LARGE2: variants seen among roughly 807,000 people sequenced by gnomAD.
LARGE2 encodes LARGE xylosyl- and glucuronyltransferase 2.
In LARGE2, 63 loss-of-function variants were observed where a neutral mutation model predicts 75.3. That is an observed-to-expected ratio of 0.84 (90% CI 0.68 to 1.03). The LOEUF is 1.03. Ranked by LOEUF, LARGE2 falls within the 50% of genes least tolerant of loss-of-function variation. The pLI is 0.00. For synonymous variants in LARGE2, 428 were observed against 420.1 expected, an observed-to-expected ratio of 1.02 and a Z score of -0.23; for missense variants, 925 against 980.6, an observed-to-expected ratio of 0.94 and a Z score of 0.76.
chr11:45,923,061 G>A lies in LARGE2; in HGVS notation c.179G>A (p.Gly60Glu). 1 of 1,416,046 alleles carries A rather than the reference G, an allele frequency of 7.1e-7. No individual in the cohort carries two copies. The highest frequency in any genetic ancestry group is 9.2e-7 in the Non-Finnish European group (1 of 1,087,576). 87.7% of individuals were successfully genotyped at this position (1,416,046 alleles called of 1,614,324 possible). Residue 60 changes from glycine to glutamate, a missense_variant, in exon 2 of 14, where the codon GGG becomes GAG. Coordinates refer to ENST00000401752, the MANE Select transcript of LARGE2 (RefSeq NM_001300721.2). Reference sequence around the variant, plus strand: ...CTCATGCCACGTGTCCCCCCAGACGGGAGGCTGCGGAGAGCCGCCGCCCTC... The same window carrying A: ...CTCATGCCACGTGTCCCCCCAGACGAGAGGCTGCGGAGAGCCGCCGCCCTC... ...GPLMPRVPPD[G>E]RLRRAAALDG... is the part of the protein sequence containing the mutation.
At position 45,928,917 on chromosome 11, in the gene LARGE2, C is replaced by T. The variant is rs551304116; in HGVS notation, c.*72C>T. 6.4e-6 allele frequency: 10 copies of T among 1,567,248 alleles called. No homozygotes were observed. The African/African-American group carries it at 1.2e-4, about 19-fold the overall frequency. The stretch of plus-strand genomic sequence containing the variant: ...GGCAACCTGCCCTCCGCCATCCCTG[C>T]TATTTAAATTATTTAAGGTCTCTGG... On this transcript the variant is annotated 3_prime_UTR_variant, in exon 14 of 14. Coordinates refer to ENST00000401752, the MANE Select transcript of LARGE2 (RefSeq NM_001300721.2).
At chr11:45,922,762 C>T (rs2134710682) in intron 1 of LARGE2, 34 bp downstream of exon 1, 1 of 827,758 alleles carries the variant, frequency 1.2e-6, no homozygotes, top group South Asian at 6.3e-5. Flanking sequence ...GCCGCACAAC[C>T]CGGCCGTCGG....
Position 45,926,811 on chromosome 11 carries a change from A to C in LARGE2, c.1265A>C (p.His422Pro). 4.3e-6 allele frequency: 7 copies of C among 1,613,490 alleles called. No individual in the cohort carries two copies. Among genetic ancestry groups the C allele is most frequent in the Non-Finnish European group, 5.9e-6 (7 of 1,179,984 alleles). Residue 422 changes from histidine to proline, a missense_variant, in exon 10 of 14, where the codon CAT (histidine) becomes CCT (proline). Coordinates refer to ENST00000401752, the MANE Select transcript of LARGE2 (RefSeq NM_001300721.2). ...VHRVHVTFLP[H>P]EPPPPRPHDV... Reference sequence around the variant, plus strand: ...CGTGTGCATGTCACTTTCCTGCCCCATGAACCGCCACCCCCCCGGCCTCAC... The same window carrying C: ...CGTGTGCATGTCACTTTCCTGCCCCCTGAACCGCCACCCCCCCGGCCTCAC...
In LARGE2 at chr11:45,922,697, C is replaced by T. The variant is rs963701693; in HGVS notation, c.-94C>T. ...CCGCACCCTGGCCGGCGGCTGCGAG[C>T]GCAGGGCCCAGCCCGGGAGCCGCTG... is the stretch of plus-strand genomic sequence containing the variant. On this transcript the variant is annotated 5_prime_UTR_variant, in exon 1 of 14. Transcript: ENST00000401752. 4 of 403,320 alleles carry T rather than the reference C, an allele frequency of 9.9e-6. No homozygotes were observed. The highest frequency in any genetic ancestry group is 4.7e-5 in the Admixed American group (1 of 21,422). The allele number at this position is 403,320 out of a possible 1,614,324, so 25.0% of individuals were successfully genotyped here.
chr11:45,923,440 G>GA, intron 2 of LARGE2, 33 bp from the exon 3 acceptor site: 9 of 1,505,890 alleles, frequency 6.0e-6, no homozygotes, highest in South Asian at 1.1e-5. Flanking sequence ...GCGGAGAAGG[G>GA]GGGCTGCTGC....
At chr11:45,927,670 T>A in intron 11 of LARGE2, 77 bp downstream of exon 11, 1 of 1,567,512 alleles carries the variant, frequency 6.4e-7, no homozygotes, top group South Asian at 1.1e-5. Context: ...CAGGCTTCCA[T>A]GTCCCTGCTC....
upstream of LARGE2, among the ~76,000 whole-genome samples, chr11:45,922,006 C>T (rs1225434679): frequency 6.6e-6 from 1 of 152,134 alleles, no homozygotes; most frequent in Non-Finnish European, 1.5e-5. Context: ...CCGGTGCGCC[C>T]GGGCACAATC....
In LARGE2 at chr11:45,922,731, G is replaced by A; in HGVS notation, c.-63+3G>A. 7.5e-6 allele frequency: 4 copies of A among 533,772 alleles called. No homozygotes were observed. The highest frequency in any genetic ancestry group is 1.1e-5 in the Non-Finnish European group (4 of 356,900). 33.1% of individuals were successfully genotyped at this position (533,772 alleles called of 1,614,324 possible). ...CAGCCCGGGAGCCGCTGGAGCAGGT[G>A]AGGGAGGTGGCTCGGCGCGAGCCGC... On this transcript the variant is annotated splice_donor_region_variant and intron_variant, in intron 1 of 13. Transcript: ENST00000401752.
chr11:45,923,359 C>A, intron 2 of LARGE2, 114 bp from the exon 3 acceptor site: 2 of 1,167,968 alleles, frequency 1.7e-6, no homozygotes, highest in South Asian at 1.4e-5. Context: ...TTGGCTCCTG[C>A]TGCCCCCTCC....
At chr11:45,926,192 G>C in intron 7 of LARGE2, 30 bp from the exon 8 acceptor site, 1 of 1,612,194 alleles carries the variant, frequency 6.2e-7, no homozygotes, top group Non-Finnish European at 8.5e-7. Flanking sequence ...GCAGGCTGGG[G>C]GCTGGGATGT....
intron 5 of LARGE2, 38 bp downstream of exon 5, chr11:45,924,715 C>A (rs373542212): frequency 3.8e-5 from 60 of 1,572,732 alleles, no homozygotes; most frequent in Admixed American, 5.5e-5. Flanking sequence ...TGCCCAGGAT[C>A]CCTGCATCCA....
chr11:45,924,379 A>C, intron 4 of LARGE2, 102 bp downstream of exon 4: 1 of 1,558,206 alleles, frequency 6.4e-7, no homozygotes, highest in African/African-American at 1.4e-5. Flanking sequence ...TCCCCCCTCC[A>C]CCTACTGAAG....
At chr11:45,925,974 T>G in intron 6 of LARGE2, 65 bp from the exon 7 acceptor site, 1 of 1,398,268 alleles carries the variant, frequency 7.2e-7, no homozygotes, top group Admixed American at 2.1e-5. Flanking sequence ...GACACCTTCA[T>G]GACCCCCATG....
At chr11:45,925,913 G>C (rs10838532) in intron 6 of LARGE2, 126 bp from the exon 7 acceptor site, 168,611 of 778,040 alleles carry the variant, frequency 0.22, 19,834 homozygotes, top group Non-Finnish European at 0.24. Context: ...AAAACAAGTA[G>C]TCCATGATCA....
intron 13 of LARGE2, 82 bp downstream of exon 13, chr11:45,928,454 C>CCA (rs2087357371): frequency 2.6e-6 from 4 of 1,545,568 alleles, no homozygotes; most frequent in Non-Finnish European, 3.5e-6. Context: ...CATGGGGGAC[C>CCA]ACACCACTAG....
Position 45,926,145 on chromosome 11 carries a change from T to C in LARGE2, c.876T>C (p.Ala292=). 2 of 1,589,070 alleles carry C rather than the reference T, an allele frequency of 1.3e-6. No individual in the cohort carries two copies. The highest frequency in any genetic ancestry group is 1.7e-6 in the Non-Finnish European group (2 of 1,167,424). ...TTAGCCTGCCTGCCACCTCACTGGC[T>C]GACCAGGTCTGAGGAAGCCTTGCCG... ...ELLSLPATSL[A]DQDIFNAVIK... is the part of the protein sequence containing the mutation. Residue 292 remains alanine (A), a synonymous_variant, in exon 7 of 14, where the codon GCT becomes GCC. Transcript: ENST00000401752.
Position 45,923,086 on chromosome 11 carries a change from C to T in LARGE2, c.204C>T (p.Leu68=), listed in dbSNP as rs934687800. The change falls in exon 2 of 14, where the codon CTC becomes CTT. Residue 68 remains leucine, a synonymous_variant. Coordinates refer to ENST00000401752, the MANE Select transcript of LARGE2 (RefSeq NM_001300721.2). ...PDGRLRRAAA[L]DGDPGAGPGD... The stretch of plus-strand genomic sequence containing the variant: ...GGAGGCTGCGGAGAGCCGCCGCCCT[C>T]GACGGAGACCCGGGGGCCGGCCCCG... 49 of 1,410,598 alleles carry T rather than the reference C, an allele frequency of 3.5e-5. No homozygotes were observed. The highest frequency in any genetic ancestry group is 1.2e-4 in the African/African-American group (8 of 66,528). 87.4% of individuals were successfully genotyped at this position (1,410,598 alleles called of 1,614,324 possible).
In LARGE2 at chr11:45,927,489, C is replaced by T. The variant is rs761574440; in HGVS notation, c.1500C>T (p.Pro500=). The T allele has an allele frequency of 2.7e-5, 43 of 1,614,224 alleles. No homozygotes were observed. The highest frequency in any genetic ancestry group is 1.6e-4 in the Middle Eastern group (1 of 6,062). Residue 500 remains proline, a synonymous_variant, in exon 11 of 14, where the codon CCC becomes CCT. Coordinates refer to ENST00000401752, the MANE Select transcript of LARGE2 (RefSeq NM_001300721.2). ...HVVYREGPLY[P]VNQLRNVALA... ...TGTACCGTGAGGGGCCCCTATACCC[C>T]GTCAACCAGCTTCGCAACGTGGCCT...
rs1317629059 is a variant in LARGE2, at chr11:45,929,046, C to G, written c.*201C>G. The G allele has an allele frequency of 1.7e-5, 11 of 642,922 alleles. No homozygotes were observed. Among genetic ancestry groups the G allele is most frequent in the Non-Finnish European group, 2.9e-5 (11 of 376,942 alleles). The allele number at this position is 642,922 out of a possible 1,614,324, so 39.8% of individuals were successfully genotyped here. On this transcript the variant is annotated 3_prime_UTR_variant, in exon 14 of 14. Transcript: ENST00000401752. ...GCCCCAGCCAGTTTGGGGCTGGTTCCCCCATCTTGAATTGTTTATCCCTTT... is the reference window on the plus strand; with the variant it reads ...GCCCCAGCCAGTTTGGGGCTGGTTCGCCCATCTTGAATTGTTTATCCCTTT...
Sources: gnomAD v4.1 joint callset for allele counts (sites outside exome capture counted in the v4.1 genomes callset) on GRCh38, gnomAD v4.1.1 for gene constraint, MANE v1.5 for transcripts, NCBI Gene and HGNC (gene_info 2026-07-23, HGNC 2026-07-21) for gene names.